CCSER1: variants seen among roughly 807,000 people sequenced by gnomAD.
CCSER1 encodes the protein coiled-coil serine rich protein 1.
CCSER1 carries 41 observed loss-of-function variants against 82.0 expected under a neutral mutation model. The ratio of observed to expected loss-of-function variants is 0.50; its 90% CI spans 0.39 to 0.65. CCSER1 has a LOEUF of 0.65. Among genes scored for constraint, CCSER1 ranks in the 30% least tolerant of loss-of-function variants. The pLI, the probability that CCSER1 is intolerant of heterozygous loss-of-function variation, is 0.00. For synonymous variants in CCSER1, 414 were observed against 383.9 expected (o/e 1.08, Z -0.92); for missense variants, 1,119 against 1,064.2 (o/e 1.05, Z -0.72).
chr4:91,336,075 T>C (rs544873936), intron 10 of CCSER1, among the ~76,000 whole-genome samples: 1 of 152,088 alleles, frequency 6.6e-6, no homozygotes, highest in South Asian at 2.1e-4. Context: ...AGGAGGAGGG[T>C]ATATGTACAT....
At chr4:90,760,239 G>T (rs1292206179) in intron 7 of CCSER1, among the ~76,000 whole-genome samples, 1 of 151,868 alleles carries the variant, frequency 6.6e-6, no homozygotes, top group Non-Finnish European at 1.5e-5. Flanking sequence ...GTCAAGTTCT[G>T]TTCATGTATT....
intron 5 of CCSER1, among the ~76,000 whole-genome samples, chr4:90,551,706 C>CTCTCTCTCTCTCTCTCTCTA: frequency 1.5e-4 from 16 of 104,238 alleles, no homozygotes; most frequent in African/African-American, 5.0e-4. Flanking sequence ...CTCTCTCTCT[C>CTCTCTCTCTCTCTCTCTCTA]TATATATATA....
intron 10 of CCSER1, among the ~76,000 whole-genome samples, chr4:91,389,653 C>G (rs1751529888): frequency 6.6e-6 from 1 of 151,670 alleles, no homozygotes; most frequent in Non-Finnish European, 1.5e-5. Context: ...TGTGTTGAAT[C>G]TGTAGTTCAG....
chr4:91,500,097 A>G (rs963354423), intron 10 of CCSER1, among the ~76,000 whole-genome samples: 3 of 152,072 alleles, frequency 2.0e-5, no homozygotes, highest in African/African-American at 7.2e-5. Context: ...ACCAGCATTG[A>G]ATAAGAGGTC....
At chr4:90,576,393 A>G (rs530895043) in intron 5 of CCSER1, among the ~76,000 whole-genome samples, 3 of 152,166 alleles carry the variant, frequency 2.0e-5, no homozygotes, top group East Asian at 1.9e-4. Flanking sequence ...CCCAAAGTAC[A>G]TAGTTTACAT....
intron 9 of CCSER1, among the ~76,000 whole-genome samples, chr4:90,945,858 A>G (rs1732176575): frequency 6.6e-6 from 1 of 152,142 alleles, no homozygotes; most frequent in African/African-American, 2.4e-5. Context: ...TTGTTCTAAA[A>G]GTTTTACATA....
intron 10 of CCSER1, among the ~76,000 whole-genome samples, chr4:91,340,715 C>T (rs905084491): frequency 3.9e-5 from 6 of 152,038 alleles, no homozygotes; most frequent in Admixed American, 1.3e-4. Context: ...GTGTATACAT[C>T]TGTTTAATTG....
intron 10 of CCSER1, among the ~76,000 whole-genome samples, chr4:91,299,033 G>A (rs916767378): frequency 1.3e-5 from 2 of 151,904 alleles, no homozygotes; most frequent in African/African-American, 2.4e-5. Context: ...AATGTTGTGG[G>A]TGGGGTTCTG....
At chr4:91,364,969 C>T (rs1749509706) in intron 10 of CCSER1, among the ~76,000 whole-genome samples, 1 of 151,954 alleles carries the variant, frequency 6.6e-6, no homozygotes, top group African/African-American at 2.4e-5. Flanking sequence ...ACAAAATTAA[C>T]CTAGCCACTG....
At chr4:91,074,276 T>C (rs1288486225) in intron 9 of CCSER1, among the ~76,000 whole-genome samples, 4 of 152,178 alleles carry the variant, frequency 2.6e-5, no homozygotes, top group African/African-American at 4.8e-5. Context: ...GGTAAAACAC[T>C]TGGAATGGTG....
intron 7 of CCSER1, among the ~76,000 whole-genome samples, chr4:90,760,739 G>A (rs971698759): frequency 6.6e-6 from 1 of 151,990 alleles, no homozygotes; most frequent in Non-Finnish European, 1.5e-5. Context: ...CTTGTTATGG[G>A]ACTACAGGTA....
chr4:91,531,645 G>T (rs1017862133), intron 10 of CCSER1, among the ~76,000 whole-genome samples: 3 of 152,136 alleles, frequency 2.0e-5, no homozygotes, highest in Admixed American at 2.0e-4. Flanking sequence ...AGAATTCATT[G>T]CTCACAGTTC....
intron 10 of CCSER1, among the ~76,000 whole-genome samples, chr4:91,096,959 C>A (rs1724570793): frequency 6.6e-6 from 1 of 152,166 alleles, no homozygotes; most frequent in South Asian, 2.1e-4. Flanking sequence ...CACAGGCACA[C>A]CGTGGGTGAT....
chr4:90,643,759 C>A (rs1016109572), intron 6 of CCSER1, among the ~76,000 whole-genome samples: 4 of 151,974 alleles, frequency 2.6e-5, no homozygotes, highest in Admixed American at 2.6e-4. Flanking sequence ...TAATTTAATT[C>A]AGTTTTGTTT....
chr4:90,780,550 GAAAGAAT>G, intron 7 of CCSER1: 1 of 1,574,954 alleles, frequency 6.3e-7, no homozygotes, highest in South Asian at 1.2e-5. Flanking sequence ...AAGATGAAAG[GAAAGAAT>G]AAAGACTCTT....
chr4:91,235,403 A>G (rs994342370), intron 10 of CCSER1, among the ~76,000 whole-genome samples: 3 of 152,098 alleles, frequency 2.0e-5, no homozygotes, highest in African/African-American at 7.2e-5. Context: ...GAAATAGAAA[A>G]CCTTCAATTT....
At chr4:90,533,741 G>A (rs926665750) in intron 5 of CCSER1, among the ~76,000 whole-genome samples, 1 of 152,094 alleles carries the variant, frequency 6.6e-6, no homozygotes, top group African/African-American at 2.4e-5. Flanking sequence ...ATTTTTTAAG[G>A]TGGAGAATGT....
At chr4:90,385,663 G>A (rs990832669) in intron 3 of CCSER1, among the ~76,000 whole-genome samples, 5 of 151,734 alleles carry the variant, frequency 3.3e-5, no homozygotes, top group African/African-American at 7.3e-5. Flanking sequence ...GGGTTTCACC[G>A]TGTTAGCCAG....
chr4:90,305,246 G>A (rs1734050803), intron 1 of CCSER1, among the ~76,000 whole-genome samples: 1 of 152,070 alleles, frequency 6.6e-6, no homozygotes. Flanking sequence ...TCCAAATGCA[G>A]GAAATACTTT....
Sources: gnomAD v4.1 joint callset for allele counts (sites outside exome capture counted in the v4.1 genomes callset) on GRCh38, gnomAD v4.1.1 for gene constraint, MANE v1.5 for transcripts, NCBI Gene and HGNC (gene_info 2026-07-23, HGNC 2026-07-21) for gene names.